RBFOX1: variants seen among roughly 807,000 people sequenced by gnomAD.
RBFOX1 encodes RNA binding fox-1 homolog 1.
A neutral mutation model predicts 57.7 loss-of-function variants in RBFOX1; 8 were observed. The ratio of observed to expected loss-of-function variants is 0.14; its 90% CI spans 0.08 to 0.25. RBFOX1 has a LOEUF of 0.25. Among genes scored for constraint, RBFOX1 ranks in the 10% least tolerant of loss-of-function variants. The pLI, the probability that RBFOX1 is intolerant of heterozygous loss-of-function variation, is 1.00. For synonymous variants in RBFOX1, 326 were observed against 222.4 expected, an observed-to-expected ratio of 1.47 and a Z score of -4.15; for missense variants, 611 against 548.5, an observed-to-expected ratio of 1.11 and a Z score of -1.14.
At chr16:6,303,360 C>A (rs1004407193) in intron 1 of RBFOX1, among the ~76,000 whole-genome samples, 2 of 151,720 alleles carry the variant, frequency 1.3e-5, no homozygotes, top group Admixed American at 6.6e-5. Context: ...AAAATCGAGG[C>A]CTACAGAGTG....
chr16:5,653,067 G>C (rs1410083409), intron 3 of RBFOX1, among the ~76,000 whole-genome samples: 41 of 34,838 alleles, frequency 1.2e-3, no homozygotes, highest in South Asian at 6.1e-3. Context: ...TGCTGGGCCT[G>C]TGTGAGCAAG....
intron 12 of RBFOX1, among the ~76,000 whole-genome samples, chr16:7,664,609 T>A (rs932376716): frequency 2.0e-5 from 3 of 152,198 alleles, no homozygotes; most frequent in African/African-American, 7.2e-5. Context: ...CATGTCTGTC[T>A]GGGCCACTTA....
intron 7 of RBFOX1, among the ~76,000 whole-genome samples, chr16:7,588,516 G>T (rs1257667175): frequency 3.3e-5 from 5 of 152,196 alleles, no homozygotes; most frequent in Admixed American, 3.3e-4. Context: ...CAATAGCTCT[G>T]ACGGGTCTCC....
At chr16:6,078,409 GATT>G (rs200928772) in intron 1 of RBFOX1, among the ~76,000 whole-genome samples, 1,548 of 150,904 alleles carry the variant, frequency 0.01, 27 homozygotes, top group African/African-American at 0.036. Context: ...GTTTTTGGGG[GATT>G]TTTTTTTTTA....
At chr16:7,474,129 A>G (rs1460741154) in intron 4 of RBFOX1, among the ~76,000 whole-genome samples, 1 of 152,182 alleles carries the variant, frequency 6.6e-6, no homozygotes, top group African/African-American at 2.4e-5. Flanking sequence ...TCTACTAAAA[A>G]TACAAAAATT....
chr16:5,539,637 A>G (rs1228267098), intron 2 of RBFOX1, among the ~76,000 whole-genome samples: 1 of 152,040 alleles, frequency 6.6e-6, no homozygotes, highest in East Asian at 1.9e-4. Flanking sequence ...AATGACAACA[A>G]CAACAAAAAC....
chr16:7,298,059 A>G (rs979343916), intron 4 of RBFOX1, among the ~76,000 whole-genome samples: 3 of 152,134 alleles, frequency 2.0e-5, no homozygotes, highest in East Asian at 1.9e-4. Flanking sequence ...TTTGTTATCT[A>G]TATCCTGAAA....
intron 2 of RBFOX1, among the ~76,000 whole-genome samples, chr16:5,594,141 C>T (rs147771880): frequency 5.1e-4 from 77 of 152,282 alleles, no homozygotes; most frequent in African/African-American, 1.8e-3. Context: ...ACCCCACACC[C>T]TCTGTCCATT....
chr16:7,034,157 C>G (rs2153695986), intron 3 of RBFOX1, among the ~76,000 whole-genome samples: 1 of 152,222 alleles, frequency 6.6e-6, no homozygotes, highest in African/African-American at 2.4e-5. Context: ...ATTGCTGGTT[C>G]TGGATTCAAA....
At chr16:5,474,236 T>C (rs1024527202) in intron 2 of RBFOX1, among the ~76,000 whole-genome samples, 13 of 152,242 alleles carry the variant, frequency 8.5e-5, no homozygotes, top group Non-Finnish European at 4.4e-5. Flanking sequence ...ATTAGGAACT[T>C]GTCACAACAG....
chr16:6,846,164 G>A (rs1318761810), intron 3 of RBFOX1, among the ~76,000 whole-genome samples: 3 of 152,102 alleles, frequency 2.0e-5, no homozygotes, highest in South Asian at 2.1e-4. Flanking sequence ...CTGCTTACAC[G>A]GTGGCCCATC....
At chr16:7,280,405 A>G (rs2095518266) in intron 4 of RBFOX1, among the ~76,000 whole-genome samples, 1 of 152,222 alleles carries the variant, frequency 6.6e-6, no homozygotes, top group African/African-American at 2.4e-5. Context: ...CAGTATCTGC[A>G]CAATGTCCAA....
chr16:5,564,738 T>C (rs1415520370), intron 2 of RBFOX1, among the ~76,000 whole-genome samples: 2 of 152,140 alleles, frequency 1.3e-5, no homozygotes, highest in African/African-American at 4.8e-5. Context: ...GAACAGTATT[T>C]ATTGAGTGCA....
At chr16:6,861,161 C>G (rs1392754115) in intron 3 of RBFOX1, among the ~76,000 whole-genome samples, 2 of 152,086 alleles carry the variant, frequency 1.3e-5, no homozygotes, top group Non-Finnish European at 2.9e-5. Context: ...TTTTATATGT[C>G]TCATGTATTG....
chr16:7,337,174 C>A (rs565864499), intron 4 of RBFOX1, among the ~76,000 whole-genome samples: 3 of 152,064 alleles, frequency 2.0e-5, no homozygotes, highest in African/African-American at 7.2e-5. Context: ...ACAAAGAATG[C>A]GAGTGGTATA....
chr16:6,072,748 G>T (rs2095852169), intron 1 of RBFOX1, among the ~76,000 whole-genome samples: 1 of 151,894 alleles, frequency 6.6e-6, no homozygotes, highest in Non-Finnish European at 1.5e-5. Flanking sequence ...AATTTGCTAA[G>T]ATTTCCCTTT....
At chr16:7,127,948 A>C (rs1368882930) in intron 4 of RBFOX1, among the ~76,000 whole-genome samples, 1 of 152,214 alleles carries the variant, frequency 6.6e-6, no homozygotes, top group Non-Finnish European at 1.5e-5. Context: ...GGCTTACACA[A>C]CTGCAAAGGT....
intron 1 of RBFOX1, among the ~76,000 whole-genome samples, chr16:6,220,283 T>A (rs991481252): frequency 6.6e-6 from 1 of 152,172 alleles, no homozygotes; most frequent in Admixed American, 6.6e-5. Flanking sequence ...TTTACTTTCT[T>A]GAATTGCTAA....
intron 1 of RBFOX1, among the ~76,000 whole-genome samples, chr16:6,111,651 A>G (rs1205252675): frequency 2.0e-5 from 3 of 152,250 alleles, no homozygotes; most frequent in Admixed American, 2.0e-4. Context: ...GTAACAGGAT[A>G]GGAGAAGACT....
Sources: gnomAD v4.1 joint callset for allele counts (sites outside exome capture counted in the v4.1 genomes callset) on GRCh38, gnomAD v4.1.1 for gene constraint, MANE v1.5 for transcripts, NCBI Gene and HGNC (gene_info 2026-07-23, HGNC 2026-07-21) for gene names.